TET3: variants seen among roughly 807,000 people sequenced by gnomAD.
The protein encoded by TET3 is methylcytosine dioxygenase TET3.
A neutral mutation model predicts 141.4 loss-of-function variants in TET3; 19 were observed. That is an observed-to-expected ratio of 0.13 (90% CI 0.09 to 0.20). The LOEUF (loss-of-function observed/expected upper bound fraction) is 0.20, where lower values mean the gene tolerates loss of function less well. Ranked by LOEUF, TET3 falls within the 10% of genes least tolerant of loss-of-function variation. TET3 has a pLI of 1.00. For synonymous variants in TET3, 1,043 were observed against 980.9 expected (o/e 1.06, Z -1.18); for missense variants, 1,874 against 2,356.9 (o/e 0.80, Z 4.24).
In TET3 at chr2:74,075,714, A is replaced by G. The variant is rs183813252; in HGVS notation, c.2585+2075A>G. The stretch of plus-strand genomic sequence containing the variant: ...CAGCTTCTCTGAATAAATAAAAGGT[A>G]AGATACATGGAGGACAGTGATCTGC... On this transcript the variant is annotated intron_variant, in intron 5 of 11. Coordinates refer to ENST00000409262, the MANE Select transcript of TET3 (RefSeq NM_001287491.2). Among the ~76,000 whole-genome samples the G allele has an allele frequency of 2.5e-3, 381 of 152,296 alleles. 2 individuals carry two copies. The highest frequency in any genetic ancestry group is 8.2e-3 in the African/African-American group (342 of 41,562).
At chr2:74,017,151 C>T (rs954168710) in intron 3 of TET3, among the ~76,000 whole-genome samples, 9 of 152,114 alleles carry the variant, frequency 5.9e-5, no homozygotes, top group South Asian at 2.1e-4. Context: ...TAGCCCCGCA[C>T]GACATTGTAT....
intron 4 of TET3, among the ~76,000 whole-genome samples, chr2:74,062,334 G>A (rs1242142470): frequency 6.6e-6 from 1 of 152,168 alleles, no homozygotes; most frequent in East Asian, 1.9e-4. Flanking sequence ...ATAATAGATG[G>A]GGAAGTTGTA....
chr2:74,007,857 C>T (rs1450955387), intron 3 of TET3, among the ~76,000 whole-genome samples: 2 of 152,280 alleles, frequency 1.3e-5, no homozygotes, highest in South Asian at 2.1e-4. Flanking sequence ...AAAACTAAAA[C>T]GTGGTCCCAC....
rs757605142 is a variant in TET3 at position 74,047,901 on chromosome 2, C to T, written c.1984C>T (p.Pro662Ser). The T allele has an allele frequency of 5.6e-6, 9 of 1,613,458 alleles. No homozygotes were observed. The highest frequency in any genetic ancestry group is 1.3e-5 in the African/African-American group (1 of 74,868). Residue 662 changes from proline (P) to serine (S), a missense_variant, in exon 4 of 12, where the codon CCT becomes TCT. Physicochemically the swap from Pro to Ser is moderately conservative, Grantham distance 74. Transcript: ENST00000409262. ...CTCTGCTGTGCCCCTGCCCCCAGAACCTTCTCTTGCGCTATTTGCACCTAG... is the reference window on the plus strand; with the variant it reads ...CTCTGCTGTGCCCCTGCCCCCAGAATCTTCTCTTGCGCTATTTGCACCTAG... ...QGSAVPLPPE[P>S]SLALFAPSPS...
chr2:74,027,665 G>A (rs1022795509), intron 3 of TET3, among the ~76,000 whole-genome samples: 2 of 151,974 alleles, frequency 1.3e-5, no homozygotes, highest in Non-Finnish European at 2.9e-5. Flanking sequence ...CATTTTCAAG[G>A]TTCATCCATG....
At chr2:74,130,607 AG>A in the TET3 span, 1 of 152,164 alleles carries the variant, frequency 6.6e-6, no homozygotes, top group Non-Finnish European at 1.5e-5. Context: ...AGCGCGGACT[AG>A]GGCGCGCTTG....
intron 3 of TET3, among the ~76,000 whole-genome samples, chr2:74,014,057 C>G (rs1685605245): frequency 6.6e-6 from 1 of 151,668 alleles, no homozygotes; most frequent in African/African-American, 2.4e-5. Flanking sequence ...CTTTTTCTTC[C>G]ATAGCTTTGC....
chr2:74,037,504 G>A (rs1687132078), intron 3 of TET3, among the ~76,000 whole-genome samples: 1 of 152,208 alleles, frequency 6.6e-6, no homozygotes, highest in Non-Finnish European at 1.5e-5. Flanking sequence ...TGTGTGGTTG[G>A]GAAAGTACTG....
chr2:74,033,593 A>G (rs1686869734), intron 3 of TET3, among the ~76,000 whole-genome samples: 1 of 152,260 alleles, frequency 6.6e-6, no homozygotes, highest in Non-Finnish European at 1.5e-5. Flanking sequence ...AACCACTGCA[A>G]TAAAGTGAAT....
chr2:74,052,260 A>G (rs1008531839), intron 4 of TET3, among the ~76,000 whole-genome samples: 2 of 152,186 alleles, frequency 1.3e-5, no homozygotes, highest in Non-Finnish European at 2.9e-5. Context: ...GATTACAGGT[A>G]TAAGCCACCA....
chr2:73,985,801 C>T (rs1451915338), intron 1 of TET3, among the ~76,000 whole-genome samples, 179 bp from the exon 2 acceptor site: 1 of 152,014 alleles, frequency 6.6e-6, no homozygotes, highest in African/African-American at 2.4e-5. Flanking sequence ...GGCCCGAGGC[C>T]GCCTCCCTCA....
At chr2:74,134,901 C>CT in the TET3 span, 1 of 388,100 alleles carries the variant, frequency 2.6e-6, no homozygotes, top group Non-Finnish European at 5.3e-6. Context: ...ACTGTCCCTG[C>CT]TCCTCGGTGT....
At position 74,048,064 on chromosome 2, in the gene TET3, C is replaced by T. The variant is rs1687743433; in HGVS notation, c.2147C>T (p.Ala716Val). The T allele has an allele frequency of 6.2e-7, 1 of 1,612,666 alleles. No homozygotes were observed. The highest frequency in any genetic ancestry group is 1.1e-5 in the South Asian group (1 of 90,926). The change falls in exon 4 of 12, where the codon GCT becomes GTT. Residue 716 changes from alanine (A) to valine (V), a missense_variant. This residue lies in a region of TET3 where 484 missense variants were observed against 462.2 expected (regional missense o/e 1.05). Transcript: ENST00000409262. ...GAAGAGCTCATCCGGCAGTTTGAGG[C>T]TGAATTTGGAGATAGCTTTGGGCTT... ...KLEELIRQFE[A>V]EFGDSFGLPG... is the part of the protein sequence containing the mutation.
chr2:74,084,021 G>C (rs972647591), intron 6 of TET3, among the ~76,000 whole-genome samples: 5 of 152,214 alleles, frequency 3.3e-5, no homozygotes, highest in Non-Finnish European at 7.3e-5. Context: ...CAATCACGTA[G>C]AGAGTTCTAA....
Position 74,102,320 on chromosome 2 carries a change from T to C in TET3, c.*144T>C. On this transcript the variant is annotated 3_prime_UTR_variant, in exon 12 of 12. Coordinates refer to ENST00000409262, the MANE Select transcript of TET3 (RefSeq NM_001287491.2). ...TATATAGATGCGCATATCATATATA[T>C]GTATTTATGGTCCAAACCTCAGAAC... 8.2e-7 allele frequency: 1 copy of C among 1,215,344 alleles called. No homozygotes were observed. The highest frequency in any genetic ancestry group is 1.6e-5 in the African/African-American group (1 of 64,264). 75.3% of individuals were successfully genotyped at this position (1,215,344 alleles called of 1,614,324 possible).
At chr2:74,131,262 A>C in the TET3 span, among the ~76,000 whole-genome samples, 1 of 151,894 alleles carries the variant, frequency 6.6e-6, no homozygotes, top group African/African-American at 2.4e-5. Context: ...TTCATTCATG[A>C]CCTTCTCAGT....
chr2:74,040,268 G>A (rs1386822878), intron 3 of TET3, among the ~76,000 whole-genome samples: 1 of 152,038 alleles, frequency 6.6e-6, no homozygotes, highest in Non-Finnish European at 1.5e-5. Context: ...TGGTCAGGGA[G>A]GGGGCTTGGG....
chr2:74,055,394 A>T (rs1055134870), intron 4 of TET3, among the ~76,000 whole-genome samples: 1 of 152,210 alleles, frequency 6.6e-6, no homozygotes, highest in East Asian at 1.9e-4. Context: ...AAGGCCCAGC[A>T]TGCTGTACAT....
intron 4 of TET3, among the ~76,000 whole-genome samples, chr2:74,050,986 T>TA (rs1424748594): frequency 2.0e-5 from 3 of 152,212 alleles, no homozygotes; most frequent in Non-Finnish European, 4.4e-5. Flanking sequence ...GGGTACCCTG[T>TA]AGCACAGACT....
Sources: allele counts gnomAD v4.1 joint callset (sites outside exome capture counted in the v4.1 genomes callset), GRCh38; gene constraint gnomAD v4.1.1; regional missense constraint gnomAD v4.1.1; transcripts MANE v1.5; gene names NCBI Gene and HGNC (gene_info 2026-07-23, HGNC 2026-07-21).